STK10: variants seen among roughly 807,000 people sequenced by gnomAD.
STK10 encodes the protein serine/threonine kinase 10.
A neutral mutation model predicts 113.8 loss-of-function variants in STK10; 78 were observed. The ratio of observed to expected loss-of-function variants is 0.69; its 90% CI spans 0.57 to 0.83. The LOEUF is 0.83. Ranked by LOEUF, STK10 falls within the 40% of genes least tolerant of loss-of-function variation. The pLI is 0.00. For missense variants in STK10, 1,109 were observed against 1,280.1 expected, an observed-to-expected ratio of 0.87 and a Z score of 2.04; for synonymous variants, 465 against 494.7, an observed-to-expected ratio of 0.94 and a Z score of 0.80.
intron 10 of STK10, among the ~76,000 whole-genome samples, chr5:172,088,451 G>A (rs990437292): frequency 6.6e-6 from 1 of 152,120 alleles, no homozygotes; most frequent in Non-Finnish European, 1.5e-5. Flanking sequence ...TTGAACCCGG[G>A]AGGCAGAAGT....
chr5:172,104,280 G>T (rs1769053686), intron 7 of STK10, among the ~76,000 whole-genome samples: 1 of 152,172 alleles, frequency 6.6e-6, no homozygotes, highest in South Asian at 2.1e-4. Flanking sequence ...AGTGACATGG[G>T]GACACTGGTC....
At chr5:172,183,253 C>G (rs887354745) in intron 1 of STK10, among the ~76,000 whole-genome samples, 5 of 152,034 alleles carry the variant, frequency 3.3e-5, no homozygotes, top group African/African-American at 1.2e-4. Context: ...GCCTGCTAAC[C>G]CAACTCCTTT....
chr5:172,116,173 T>C (rs1354681946), intron 4 of STK10, among the ~76,000 whole-genome samples: 2 of 152,152 alleles, frequency 1.3e-5, no homozygotes, highest in African/African-American at 4.8e-5. Flanking sequence ...CTCTGCCTCC[T>C]GGGTTCAAGC....
intron 18 of STK10, among the ~76,000 whole-genome samples, chr5:172,050,128 T>A (rs900002488): frequency 3.3e-5 from 5 of 152,228 alleles, no homozygotes; most frequent in Admixed American, 3.3e-4. Flanking sequence ...AGAAAGTTTT[T>A]CAATTAAAAC....
Position 172,112,416 on chromosome 5 carries a change from CTTT to C in STK10, c.521-4567_521-4565del, listed in dbSNP as rs1159424183. On this transcript the variant is annotated intron_variant, in intron 4 of 18. Coordinates refer to ENST00000176763, the MANE Select transcript of STK10 (RefSeq NM_005990.4). Reference sequence around the variant, plus strand: ...GGGGCAGTGCACAGAAGGGACCTTACTTTTTTTTTTTTTTTTTTTTTTTGAGAC... The same window carrying C: ...GGGGCAGTGCACAGAAGGGACCTTACTTTTTTTTTTTTTTTTTTTTGAGAC... Among the ~76,000 whole-genome samples, 407 of 103,046 alleles carry C rather than the reference CTTT, an allele frequency of 3.9e-3. 5 individuals are homozygous for C. The highest frequency in any genetic ancestry group is 0.013 in the African/African-American group (371 of 28,438). The allele number at this position is 103,046 out of a possible 152,430, so 67.6% of individuals were successfully genotyped here.
At chr5:172,150,981 GCA>G (rs1472067818) in intron 2 of STK10, among the ~76,000 whole-genome samples, 1 of 152,184 alleles carries the variant, frequency 6.6e-6, no homozygotes, top group Non-Finnish European at 1.5e-5. Flanking sequence ...CCAAGGGCAG[GCA>G]CGTCCTGTCT....
At chr5:172,051,866 G>C (rs1398374644) in intron 18 of STK10, among the ~76,000 whole-genome samples, 1 of 152,134 alleles carries the variant, frequency 6.6e-6, no homozygotes, top group Non-Finnish European at 1.5e-5. Flanking sequence ...GGCTGAGAAA[G>C]GAATTTCTCA....
At chr5:172,160,216 G>T (rs1770443422) in intron 1 of STK10, among the ~76,000 whole-genome samples, 1 of 152,024 alleles carries the variant, frequency 6.6e-6, no homozygotes, top group South Asian at 2.1e-4. Context: ...GTTCATGCCT[G>T]TAATCCCAGC....
At chr5:172,134,580 A>C (rs1769815226) in intron 2 of STK10, among the ~76,000 whole-genome samples, 1 of 152,156 alleles carries the variant, frequency 6.6e-6, no homozygotes, top group South Asian at 2.1e-4. Context: ...GGACTTCATC[A>C]ACATTGAACA....
chr5:172,127,521 G>A, intron 2 of STK10, 100 bp from the exon 3 acceptor site: 2 of 1,256,292 alleles, frequency 1.6e-6, no homozygotes, highest in Non-Finnish European at 2.3e-6. Flanking sequence ...CATGCCCAAT[G>A]CCTGGGTGCC....
chr5:172,125,615 C>T (rs990081478), intron 3 of STK10, among the ~76,000 whole-genome samples: 1 of 152,140 alleles, frequency 6.6e-6, no homozygotes, highest in African/African-American at 2.4e-5. Context: ...AAACTCGTGG[C>T]CTCAGGTGAT....
chr5:172,103,237 G>A (rs565279028), intron 7 of STK10, among the ~76,000 whole-genome samples: 6 of 152,352 alleles, frequency 3.9e-5, no homozygotes, highest in Admixed American at 1.3e-4. Context: ...TCCTCCCGAG[G>A]GGGTAATGCC....
At chr5:172,142,188 T>C (rs866453909) in intron 2 of STK10, among the ~76,000 whole-genome samples, 1 of 152,172 alleles carries the variant, frequency 6.6e-6, no homozygotes, top group Non-Finnish European at 1.5e-5. Context: ...TTATTTGCCT[T>C]TTTGGCCCAG....
At chr5:172,062,566 T>G (rs1440279085) in intron 13 of STK10, among the ~76,000 whole-genome samples, 1 of 152,186 alleles carries the variant, frequency 6.6e-6, no homozygotes, top group East Asian at 1.9e-4. Context: ...TATTCAGCCT[T>G]AAAAAGGAAG....
intron 1 of STK10, among the ~76,000 whole-genome samples, chr5:172,177,126 G>A (rs66618563): frequency 0.35 from 53,112 of 151,024 alleles, 9,849 homozygotes; most frequent in African/African-American, 0.47. Flanking sequence ...CCAGTGAGCC[G>A]CGATCATGCC....
intron 12 of STK10, among the ~76,000 whole-genome samples, chr5:172,068,786 T>C (rs1768122744): frequency 1.3e-5 from 2 of 151,586 alleles, no homozygotes; most frequent in African/African-American, 4.9e-5. Context: ...ACCCTGTCTC[T>C]AGGCATGAGA....
At chr5:172,086,483 T>G (rs947845761) in intron 10 of STK10, among the ~76,000 whole-genome samples, 7 of 152,026 alleles carry the variant, frequency 4.6e-5, no homozygotes, top group Non-Finnish European at 1.0e-4. Context: ...ACCTGTGCTC[T>G]CAGAAGGAAA....
At chr5:172,175,503 G>A (rs1403890247) in intron 1 of STK10, among the ~76,000 whole-genome samples, 5 of 152,092 alleles carry the variant, frequency 3.3e-5, no homozygotes, top group Non-Finnish European at 5.9e-5. Context: ...CCACCCACCA[G>A]GGTGCCAGGA....
intron 12 of STK10, among the ~76,000 whole-genome samples, chr5:172,073,753 C>T (rs886553010): frequency 1.4e-5 from 2 of 138,676 alleles, no homozygotes; most frequent in African/African-American, 2.9e-5. Context: ...TCCAGACCAG[C>T]TTGGCCAACA....
Sources: gnomAD v4.1 joint callset for allele counts (sites outside exome capture counted in the v4.1 genomes callset) on GRCh38, gnomAD v4.1.1 for gene constraint, MANE v1.5 for transcripts, NCBI Gene and HGNC (gene_info 2026-07-23, HGNC 2026-07-21) for gene names.